The following PTK2 variants were observed in gnomAD, a reference collection of about 807,000 sequenced individuals.
PTK2 encodes focal adhesion kinase 1.
PTK2 carries 45 observed loss-of-function variants against 150.1 expected under a neutral mutation model. The observed-to-expected ratio is 0.30, with a 90% CI of 0.24 to 0.38. PTK2 has a LOEUF of 0.38. Ranked by LOEUF, PTK2 falls within the 10% of genes least tolerant of loss-of-function variation. PTK2 has a pLI of 1.00. For synonymous variants in PTK2, 432 were observed against 449.2 expected (o/e 0.96, Z 0.48); for missense variants, 919 against 1,307.3 (o/e 0.70, Z 4.58).
At chr8:140,944,633 C>T (rs564340298) in intron 1 of PTK2, among the ~76,000 whole-genome samples, 13 of 152,250 alleles carry the variant, frequency 8.5e-5, no homozygotes, top group African/African-American at 3.1e-4. Flanking sequence ...TTCCTTCAGC[C>T]GCGACTCCTG....
At chr8:140,926,922 G>A (rs2100169666) in intron 1 of PTK2, among the ~76,000 whole-genome samples, 1 of 152,144 alleles carries the variant, frequency 6.6e-6, no homozygotes, top group Admixed American at 6.5e-5. Context: ...TCTAATTAAT[G>A]ATAATTTCTT....
chr8:140,698,104 T>A (rs1421915985), intron 26 of PTK2, among the ~76,000 whole-genome samples: 3 of 152,122 alleles, frequency 2.0e-5, no homozygotes, highest in African/African-American at 7.2e-5. Context: ...TTGGCTCAAA[T>A]GCTATCTATA....
chr8:140,813,671 C>T (rs1474486514), intron 10 of PTK2, among the ~76,000 whole-genome samples: 1 of 152,184 alleles, frequency 6.6e-6, no homozygotes, highest in Non-Finnish European at 1.5e-5. Context: ...ATTTGTAGCA[C>T]TAAATGCCCA....
At chr8:140,725,496 T>A (rs2100045213) in intron 22 of PTK2, among the ~76,000 whole-genome samples, 2 of 152,190 alleles carry the variant, frequency 1.3e-5, no homozygotes, top group South Asian at 4.1e-4. Context: ...GGTCCCCACT[T>A]TTCAGTGGCC....
At chr8:140,697,852 G>GTTTTTTTTTTTTTTTTT (rs71308981) in intron 26 of PTK2, among the ~76,000 whole-genome samples, 1 of 48,026 alleles carries the variant, frequency 2.1e-5, no homozygotes, top group African/African-American at 9.0e-5. Flanking sequence ...AGGGTTTACT[G>GTTTTTTTTTTTTTTTTT]TTTTTTTTTT....
intron 5 of PTK2, among the ~76,000 whole-genome samples, chr8:140,862,950 G>A (rs1252168975): frequency 6.6e-6 from 1 of 152,112 alleles, no homozygotes; most frequent in Admixed American, 6.5e-5. Flanking sequence ...TATCTCCTAT[G>A]TGACTACTTC....
At chr8:140,958,818 C>T (rs1042593328) in intron 1 of PTK2, among the ~76,000 whole-genome samples, 3 of 152,192 alleles carry the variant, frequency 2.0e-5, no homozygotes, top group Non-Finnish European at 2.9e-5. Flanking sequence ...AATTTAAAAT[C>T]ACATGTGGCT....
intron 22 of PTK2, among the ~76,000 whole-genome samples, chr8:140,734,500 G>A (rs377728586): frequency 3.4e-4 from 51 of 152,216 alleles, no homozygotes; most frequent in Middle Eastern, 3.4e-3. Context: ...AGTGTAGCTG[G>A]GGACATGCAC....
At chr8:140,852,025 T>C (rs2100129596) in intron 5 of PTK2, among the ~76,000 whole-genome samples, 2 of 152,130 alleles carry the variant, frequency 1.3e-5, no homozygotes, top group African/African-American at 4.8e-5. Flanking sequence ...CTTCAAAAAT[T>C]TGCTTTATTT....
intron 16 of PTK2, among the ~76,000 whole-genome samples, chr8:140,758,748 TTTAACGTAGCCAAAGCG>T (rs2100067400): frequency 1.3e-5 from 2 of 152,322 alleles, no homozygotes; most frequent in South Asian, 4.1e-4. Context: ...TTAAGATAAA[TTTAACGTAGCCAAAGCG>T]TACAGTGTTT....
rs187710514 is a variant in PTK2 at position 140,749,253 on chromosome 8, C to T, written c.1418-2393G>A. Among the ~76,000 whole-genome samples, 178 of 152,316 alleles carry T rather than the reference C, an allele frequency of 1.2e-3. 1 individual carries two copies. The highest frequency in any genetic ancestry group is 3.9e-4 in the Admixed American group (6 of 15,304). ...TCACCTTGTCACATTCAGTTCATTGCTTATACCATGATATTTTTGGATAAA... is the reference window on the plus strand; with the variant it reads ...TCACCTTGTCACATTCAGTTCATTGTTTATACCATGATATTTTTGGATAAA... On this transcript the variant is annotated intron_variant, in intron 17 of 31. Coordinates refer to ENST00000522684, the Ensembl canonical transcript of PTK2.
chr8:140,710,199 T>C (rs1195834003), intron 23 of PTK2, among the ~76,000 whole-genome samples: 1 of 151,590 alleles, frequency 6.6e-6, no homozygotes, highest in Admixed American at 6.6e-5. Context: ...CAATGGTGGC[T>C]TGCACCTATA....
At chr8:140,728,071 C>T (rs989622568) in intron 22 of PTK2, among the ~76,000 whole-genome samples, 13 of 151,958 alleles carry the variant, frequency 8.6e-5, no homozygotes, top group East Asian at 3.9e-4. Context: ...CAGTGGTGCG[C>T]GCCTGTAATC....
chr8:140,893,536 C>T (rs749291029), intron 2 of PTK2, among the ~76,000 whole-genome samples: 12 of 152,104 alleles, frequency 7.9e-5, no homozygotes, highest in Non-Finnish European at 1.5e-5. Context: ...GGAAACCAGA[C>T]GTGAAAGACC....
chr8:140,869,455 T>C (rs966603880), intron 4 of PTK2, among the ~76,000 whole-genome samples: 4 of 152,194 alleles, frequency 2.6e-5, no homozygotes, highest in South Asian at 2.1e-4. Flanking sequence ...TAGTGTGTTC[T>C]GCTCAGGGAG....
intron 26 of PTK2, among the ~76,000 whole-genome samples, chr8:140,700,396 T>G (rs1365609184): frequency 1.3e-5 from 2 of 152,034 alleles, no homozygotes; most frequent in Non-Finnish European, 2.9e-5. Context: ...GGTCTTGAAC[T>G]CCTGGGCTCA....
At chr8:140,840,407 T>C (rs147555644) in intron 7 of PTK2, among the ~76,000 whole-genome samples, 91 of 152,120 alleles carry the variant, frequency 6.0e-4, no homozygotes, top group African/African-American at 2.1e-3. Flanking sequence ...ATAATAACTG[T>C]ATAAAATAAT....
At chr8:140,818,294 T>C in exon 10 of PTK2, 2 of 1,613,866 alleles carry the variant, frequency 1.2e-6, no homozygotes, top group Non-Finnish European at 1.7e-6. Flanking sequence ...CCCTTGTCCG[T>C]TAGGTAACTG....
intron 22 of PTK2, among the ~76,000 whole-genome samples, chr8:140,719,415 G>A (rs569010809): frequency 1.6e-4 from 25 of 152,218 alleles, no homozygotes; most frequent in Middle Eastern, 6.8e-3. Flanking sequence ...CCAGGCCCAG[G>A]TGAGTCCTGG....
Sources: gnomAD v4.1 joint callset for allele counts (sites outside exome capture counted in the v4.1 genomes callset) on GRCh38, gnomAD v4.1.1 for gene constraint, MANE v1.5 for transcripts, NCBI Gene and HGNC (gene_info 2026-07-23, HGNC 2026-07-21) for gene names.